The following SF3B1 variants were observed in gnomAD, a reference collection of about 807,000 sequenced individuals.
SF3B1 encodes splicing factor 3b subunit 1, also known as pre-mRNA processing 10.
SF3B1 carries 12 observed loss-of-function variants against 153.8 expected under a neutral mutation model. That is an observed-to-expected ratio of 0.08 (90% CI 0.05 to 0.13). The LOEUF (loss-of-function observed/expected upper bound fraction) is 0.13. SF3B1 is among the 10% of genes least tolerant of loss of function. SF3B1 has a pLI of 1.00. For synonymous variants in SF3B1, 498 were observed against 525.2 expected, an observed-to-expected ratio of 0.95 and a Z score of 0.71; for missense variants, 513 against 1,606.1, an observed-to-expected ratio of 0.32 and a Z score of 11.63.
At chr2:197,421,600 A>G (rs745551900) in intron 2 of SF3B1, among the ~76,000 whole-genome samples, 1 of 152,200 alleles carries the variant, frequency 6.6e-6, no homozygotes, top group Non-Finnish European at 1.5e-5. Flanking sequence ...TTATACTGTT[A>G]CTTTTCTAGT....
rs1378877157 is a variant in SF3B1 at position 197,429,083 on chromosome 2, CTAA to C, written c.29-5112_29-5110del. Among the ~76,000 whole-genome samples, 12 of 152,276 alleles carry C rather than the reference CTAA, an allele frequency of 7.9e-5. No homozygotes were observed. In the East Asian group the frequency reaches 2.3e-3, roughly 29 times the overall value. ...GACTTGAGGCAAAGAAACGTCTATG[CTAA>C]TAATCTCTTCCAACTTCAATTATGA... On this transcript the variant is annotated intron_variant, in intron 1 of 24. Transcript: ENST00000335508.
At chr2:197,399,117 T>C (rs1574526492) in intron 20 of SF3B1, 2 of 1,272,518 alleles carry the variant, frequency 1.6e-6, no homozygotes, top group Non-Finnish European at 2.0e-6. Flanking sequence ...TCTCTCTCCA[T>C]TGCTCTTCCC....
rs78917242 is a variant in SF3B1, at chr2:197,427,271, T to C, written c.29-3297A>G. On this transcript the variant is annotated intron_variant, in intron 1 of 24. Coordinates refer to ENST00000335508, the MANE Select transcript of SF3B1 (RefSeq NM_012433.4). ...GGTGAGTATATTACTGAACTTCTTATAGGCAGTACAATTAAATGTTTATAT... is the reference window on the plus strand; with the variant it reads ...GGTGAGTATATTACTGAACTTCTTACAGGCAGTACAATTAAATGTTTATAT... Among the ~76,000 whole-genome samples the C allele has an allele frequency of 9.2e-3, 1,406 of 152,344 alleles. 28 individuals carry two copies. Among genetic ancestry groups the C allele is most frequent in the African/African-American group, 0.032 (1,337 of 41,582 alleles).
chr2:197,425,027 C>T (rs376046025), intron 1 of SF3B1, among the ~76,000 whole-genome samples: 3 of 152,118 alleles, frequency 2.0e-5, no homozygotes, highest in Admixed American at 1.3e-4. Context: ...GGTGTAATGG[C>T]GCACGCCTCT....
chr2:197,395,273 G>A (rs2084863300), intron 23 of SF3B1, among the ~76,000 whole-genome samples: 1 of 152,160 alleles, frequency 6.6e-6, no homozygotes, highest in Non-Finnish European at 1.5e-5. Context: ...CTTTTACAGA[G>A]CACAATTCTT....
chr2:197,411,201 CAG>C (rs2085062553), intron 6 of SF3B1, among the ~76,000 whole-genome samples: 3 of 152,206 alleles, frequency 2.0e-5, no homozygotes, highest in South Asian at 4.1e-4. Flanking sequence ...GTAGTTCAAA[CAG>C]AGAGTAATAG....
rs1361034658 is a variant in SF3B1, at chr2:197,390,606, G to C, written c.*1697C>G. 7.7e-6 allele frequency: 1 copy of C among 130,360 alleles called. No homozygotes were observed. The highest frequency in any genetic ancestry group is 1.6e-5 in the Non-Finnish European group (1 of 63,472). 8.1% of individuals were successfully genotyped at this position (130,360 alleles called of 1,614,324 possible). A position where few individuals can be genotyped will look rare whatever the true frequency, so the allele number is the denominator to read the frequency against. ...AATGCTCACTATCAATTTGTTGAAA[G>C]TCAATTTTTTTTTTTTTTTTGAGAC... On this transcript the variant is annotated 3_prime_UTR_variant, in exon 25 of 25. Transcript: ENST00000335508.
chr2:197,418,192 C>T (rs1275467729), intron 5 of SF3B1, among the ~76,000 whole-genome samples: 5 of 128,958 alleles, frequency 3.9e-5, no homozygotes, highest in East Asian at 2.4e-4. Flanking sequence ...GATGAGATCA[C>T]GCCACTGCAC....
intron 2 of SF3B1, 56 bp downstream of exon 2, chr2:197,423,752 A>G (rs193182448): frequency 3.5e-5 from 54 of 1,546,642 alleles, no homozygotes; most frequent in Non-Finnish European, 4.3e-5. Flanking sequence ...AAAGTTATTC[A>G]TATTTCTTGC....
Position 197,418,876 on chromosome 2 carries a change from T to G in SF3B1, c.416-288A>C, listed in dbSNP as rs1274804947. 28 of 1,576,838 alleles carry G rather than the reference T, an allele frequency of 1.8e-5. No individual in the cohort carries two copies. The East Asian group carries it at 5.7e-4, about 32-fold the overall frequency. On this transcript the variant is annotated intron_variant, in intron 4 of 24. Coordinates refer to ENST00000335508, the MANE Select transcript of SF3B1 (RefSeq NM_012433.4). The stretch of plus-strand genomic sequence containing the variant: ...CTTCAGAAGTGATGGGTTCCTGGGT[T>G]GCTAATCCGGAATACGTACACTTTC...
At chr2:197,409,341 A>G (rs900816265) in intron 7 of SF3B1, among the ~76,000 whole-genome samples, 1 of 152,126 alleles carries the variant, frequency 6.6e-6, no homozygotes, top group African/African-American at 2.4e-5. Context: ...TGGAGGTTGC[A>G]GTGAGCTGAG....
rs1277331612 is a variant in SF3B1 at position 197,408,018 on chromosome 2, T to C, written c.1219A>G (p.Met407Val). 12 of 1,612,958 alleles carry C rather than the reference T, an allele frequency of 7.4e-6. No homozygotes were observed. Among genetic ancestry groups the C allele is most frequent in the Non-Finnish European group, 8.5e-6 (10 of 1,179,128 alleles). ...ACTACCTTATATCCTTCTGGGAACA[T>C]AGCATCTAATTCCTCATCAGAAAGT... ...RPLSDEELDA[M>V]FPEGYKVLPP... Residue 407 changes from methionine to valine, a missense_variant, in exon 9 of 25, where the codon ATG becomes GTG. Physicochemically the swap from Met to Val is conservative, Grantham distance 21. Coordinates refer to ENST00000335508, the MANE Select transcript of SF3B1 (RefSeq NM_012433.4).
rs1034487976 is a variant in SF3B1, at chr2:197,390,406, T to C, written c.*1897A>G. On this transcript the variant is annotated 3_prime_UTR_variant, in exon 25 of 25. Coordinates refer to ENST00000335508, the MANE Select transcript of SF3B1 (RefSeq NM_012433.4). Reference sequence around the variant, plus strand: ...ATTCTCAGTCATTACTGAAGGTCATTTGACATCAACCATAGAGAGCAGTGA... The same window carrying C: ...ATTCTCAGTCATTACTGAAGGTCATCTGACATCAACCATAGAGAGCAGTGA... 6.6e-6 allele frequency: 1 copy of C among 152,208 alleles called. No homozygotes were observed. Among genetic ancestry groups the C allele is most frequent in the Non-Finnish European group, 1.5e-5 (1 of 68,040 alleles). 9.4% of individuals were successfully genotyped at this position (152,208 alleles called of 1,614,324 possible).
At chr2:197,430,979 C>T (rs1471549161) in intron 1 of SF3B1, among the ~76,000 whole-genome samples, 1 of 152,136 alleles carries the variant, frequency 6.6e-6, no homozygotes, top group East Asian at 1.9e-4. Context: ...AAACTCAGAC[C>T]TACATATCAA....
At position 197,423,798 on chromosome 2, in the gene SF3B1, T is replaced by A; in HGVS notation, c.195+10A>T. 1 of 1,611,888 alleles carries A rather than the reference T, an allele frequency of 6.2e-7. No individual in the cohort carries two copies. Among genetic ancestry groups the A allele is most frequent in the Non-Finnish European group, 8.5e-7 (1 of 1,179,296 alleles). On this transcript the variant is annotated intron_variant, in intron 2 of 24. Coordinates refer to ENST00000335508, the MANE Select transcript of SF3B1 (RefSeq NM_012433.4). ...AAATAACTGCCTCTTGTACATAATT[T>A]GTAACTTACATCTTCAAGTTCAGTT...
rs2084875699 is a variant in SF3B1, at chr2:197,396,492, A to G, written c.3267-164T>C. Among the ~76,000 whole-genome samples the G allele has an allele frequency of 2.0e-5, 3 of 152,256 alleles. No homozygotes were observed. In the South Asian group the frequency reaches 6.2e-4, roughly 31 times the overall value. ...AAGTCACTGGCATTGTTGTTTCTAT[A>G]TAAAAATTTCATATAAATTAAAAGG... On this transcript the variant is annotated intron_variant, in intron 22 of 24. Transcript: ENST00000335508.
At chr2:197,431,861 C>T (rs915740365) in intron 1 of SF3B1, among the ~76,000 whole-genome samples, 4 of 152,132 alleles carry the variant, frequency 2.6e-5, no homozygotes, top group African/African-American at 7.2e-5. Flanking sequence ...CATCGTGGCT[C>T]ACACCTGTAA....
rs1352097745 is a variant in SF3B1 at position 197,398,429 on chromosome 2, T to C, written c.3134+32A>G. 8 of 1,609,418 alleles carry C rather than the reference T, an allele frequency of 5.0e-6. No individual in the cohort carries two copies. The Admixed American group carries it at 1.2e-4, about 24-fold the overall frequency. ...AGTGGCCAAATTTGAAAATTGATAC[T>C]GCTTATAAAAATGTGTGGGTAATCT... is the stretch of plus-strand genomic sequence containing the variant. On this transcript the variant is annotated intron_variant, in intron 21 of 24. Transcript: ENST00000335508.
chr2:197,407,663 A>G (rs2085012582), intron 9 of SF3B1, among the ~76,000 whole-genome samples: 3 of 152,214 alleles, frequency 2.0e-5, no homozygotes, highest in South Asian at 4.1e-4. Flanking sequence ...AAACTTAAGT[A>G]TATAAAATCT....
Sources: gnomAD v4.1 joint callset for allele counts (sites outside exome capture counted in the v4.1 genomes callset) on GRCh38, gnomAD v4.1.1 for gene constraint, MANE v1.5 for transcripts, NCBI Gene and HGNC (gene_info 2026-07-23, HGNC 2026-07-21) for gene names.